BMP1: variants seen among roughly 807,000 people sequenced by gnomAD.
BMP1 encodes bone morphogenetic protein 1, also known as mammalian tolloid protein.
Under a neutral mutation model 116.8 loss-of-function variants are expected in BMP1, and 63 were observed. The observed-to-expected ratio is 0.54, with a 90% CI of 0.44 to 0.67. The LOEUF (loss-of-function observed/expected upper bound fraction) is 0.67. Ranked by LOEUF, BMP1 falls within the 30% of genes least tolerant of loss-of-function variation. The probability of loss-of-function intolerance (pLI) is 0.00; values close to 1 mark genes in which losing one functional copy is unlikely to be tolerated. For missense variants in BMP1, 1,183 were observed against 1,358.9 expected, an observed-to-expected ratio of 0.87 and a Z score of 2.04; for synonymous variants, 536 against 533.4, an observed-to-expected ratio of 1.00 and a Z score of -0.07.
Position 22,202,959 on chromosome 8 carries a change from G to A in BMP1, c.2233+1031G>A, listed in dbSNP as rs558874317. ...TGGGGAGGCTGAGGCTGCATGAGCC[G>A]AGATCACACCACTGTACTCCAGCCT... On this transcript the variant is annotated intron_variant, in intron 16 of 19. Coordinates refer to ENST00000306385, the MANE Select transcript of BMP1 (RefSeq NM_006129.5). Among the ~76,000 whole-genome samples, 8 of 151,140 alleles carry A rather than the reference G, an allele frequency of 5.3e-5. No homozygotes were observed. In the East Asian group the frequency reaches 9.8e-4, roughly 19 times the overall value.
chr8:22,177,251 C>A, intron 5 of BMP1, 112 bp downstream of exon 5: 2 of 1,157,096 alleles, frequency 1.7e-6, no homozygotes, highest in Non-Finnish European at 2.4e-6. Context: ...ATCGCCTGGG[C>A]CCGCAGCGCT....
At position 22,197,524 on chromosome 8, in the gene BMP1, C is replaced by T. The variant is rs1586464516; in HGVS notation, c.2107+104C>T. The T allele has an allele frequency of 3.0e-6, 4 of 1,345,412 alleles. No homozygotes were observed. In the East Asian group the frequency reaches 9.4e-5, roughly 32 times the overall value. The allele number at this position is 1,345,412 out of a possible 1,614,324, so 83.3% of individuals were successfully genotyped here. On this transcript the variant is annotated intron_variant, in intron 15 of 19. Transcript: ENST00000306385. The stretch of plus-strand genomic sequence containing the variant: ...TGTACTCCCCAGCCCTCCCTGGTGC[C>T]AGGCAGGCAGAGTCTGCCCCCTGCT...
chr8:22,211,758 G>A lies in BMP1; in HGVS notation c.*30G>A. 1 of 1,613,936 alleles carries A rather than the reference G, an allele frequency of 6.2e-7. No individual in the cohort carries two copies. Among genetic ancestry groups the A allele is most frequent in the Non-Finnish European group, 8.5e-7 (1 of 1,179,942 alleles). Reference sequence around the variant, plus strand: ...TGCCTGAGCAGGGGCGGGGACTGGAGCCTGCTGCCCTTGGTCGCCTAGACT... The same window carrying A: ...TGCCTGAGCAGGGGCGGGGACTGGAACCTGCTGCCCTTGGTCGCCTAGACT... On this transcript the variant is annotated 3_prime_UTR_variant, in exon 20 of 20. Coordinates refer to ENST00000306385, the MANE Select transcript of BMP1 (RefSeq NM_006129.5).
intron 8 of BMP1, among the ~76,000 whole-genome samples, chr8:22,183,226 G>T (rs1445447461): frequency 6.6e-6 from 1 of 152,200 alleles, no homozygotes; most frequent in African/African-American, 2.4e-5. Flanking sequence ...GACCAGCCTG[G>T]CTAACATAGC....
chr8:22,196,133 T>C (rs771238505), intron 13 of BMP1: 2 of 500,202 alleles, frequency 4.0e-6, no homozygotes, highest in East Asian at 5.5e-5. Context: ...TCGGGTTTTT[T>C]TTGTAAATGA....
intron 8 of BMP1, among the ~76,000 whole-genome samples, chr8:22,187,497 ATTTTTTTTTTTT>A (rs768807192): frequency 9.6e-6 from 1 of 104,418 alleles, no homozygotes; most frequent in Non-Finnish European, 1.8e-5. Flanking sequence ...CGCCCGGCTA[ATTTTTTTTTTTT>A]TTTTTTTTTT....
intron 18 of BMP1, among the ~76,000 whole-genome samples, chr8:22,207,799 G>A (rs995816615): frequency 1.3e-5 from 2 of 152,190 alleles, no homozygotes; most frequent in African/African-American, 2.4e-5. Flanking sequence ...GAGCGTACGC[G>A]GGCCACCGCA....
intron 16 of BMP1, among the ~76,000 whole-genome samples, chr8:22,205,459 A>G (rs1829335203): frequency 6.6e-6 from 1 of 152,184 alleles, no homozygotes; most frequent in African/African-American, 2.4e-5. Flanking sequence ...TAGAAAGATC[A>G]AGACCCTGGA....
intron 8 of BMP1, among the ~76,000 whole-genome samples, chr8:22,185,094 C>A (rs772808796): frequency 6.6e-6 from 1 of 152,134 alleles, no homozygotes; most frequent in Admixed American, 6.5e-5. Flanking sequence ...GCAGCTGGCG[C>A]GGAGAGGACT....
chr8:22,199,210 G>C (rs1306033474), intron 15 of BMP1: 2 of 1,367,548 alleles, frequency 1.5e-6, no homozygotes, highest in East Asian at 4.6e-5. Flanking sequence ...ACCCCCACTG[G>C]GGGCATCGAG....
In BMP1 at chr8:22,165,882, CGTGTGTGTGTGT is replaced by C. The variant is rs149003237; in HGVS notation, c.148+362_148+373del. ...TTTTCTGGCCAAACTCCTGTGCGTG[CGTGTGTGTGTGT>C]GTGTGTGTGTGTGTGTGTGTGTGTG... On this transcript the variant is annotated intron_variant, in intron 1 of 19. Transcript: ENST00000306385. Among the ~76,000 whole-genome samples the C allele has an allele frequency of 4.4e-3, 579 of 131,416 alleles. 2 individuals are homozygous for C. The highest frequency in any genetic ancestry group is 9.2e-3 in the South Asian group (36 of 3,908). 86.2% of individuals were successfully genotyped at this position (131,416 alleles called of 152,430 possible).
In BMP1 at chr8:22,212,197, T is replaced by A. The variant is rs1829474856; in HGVS notation, c.*469T>A. 1 of 174,190 alleles carries A rather than the reference T, an allele frequency of 5.7e-6. No homozygotes were observed. Among genetic ancestry groups the A allele is most frequent in the African/African-American group, 2.3e-5 (1 of 42,698 alleles). The allele number at this position is 174,190 out of a possible 1,614,324, so 10.8% of individuals were successfully genotyped here. A position where few individuals can be genotyped will look rare whatever the true frequency, so the allele number is the denominator to read the frequency against. On this transcript the variant is annotated 3_prime_UTR_variant, in exon 20 of 20. Coordinates refer to ENST00000306385, the MANE Select transcript of BMP1 (RefSeq NM_006129.5). ...CCTGGGGCACAAGTGTCTGTGCATG[T>A]CCCCCAGGAGCCACCGTGGGGAGCC...
At chr8:22,188,537 C>T (rs988808827) in intron 8 of BMP1, among the ~76,000 whole-genome samples, 3 of 152,170 alleles carry the variant, frequency 2.0e-5, no homozygotes, top group Non-Finnish European at 2.9e-5. Flanking sequence ...GTCACCAGCC[C>T]GGAAGCGGTG....
chr8:22,173,623 C>T lies in BMP1; in HGVS notation c.170C>T (p.Ala57Val), dbSNP rs761912780. 4 of 1,612,920 alleles carry T rather than the reference C, an allele frequency of 2.5e-6. No homozygotes were observed. Among genetic ancestry groups the T allele is most frequent in the Non-Finnish European group, 3.4e-6 (4 of 1,179,448 alleles). The change falls in exon 2 of 20, where the codon GCC becomes GTC. Residue 57 changes from alanine (A) to valine (V), a missense_variant. Physicochemically the swap from Ala to Val is moderately conservative, Grantham distance 64. Around this residue, in one of 4 missense-constraint regions of BMP1, gnomAD observed 185 missense variants for 158.9 expected, o/e 1.16. Transcript: ENST00000306385. ...CKAAAFLGDI[A>V]LDEEDLRAFQ... ...TTAGCTGCCTTTCTTGGGGACATTGCCCTGGACGAAGAGGACCTGAGGGCC... is the reference window on the plus strand; with the variant it reads ...TTAGCTGCCTTTCTTGGGGACATTGTCCTGGACGAAGAGGACCTGAGGGCC...
At position 22,209,626 on chromosome 8, in the gene BMP1, T is replaced by C. The variant is rs1563283278; in HGVS notation, c.2757T>C (p.Tyr919=). Residue 919 remains tyrosine, a synonymous_variant, in exon 19 of 20, where the codon TAT becomes TAC. Coordinates refer to ENST00000306385, the MANE Select transcript of BMP1 (RefSeq NM_006129.5). ...FEVEEETDCG[Y]DYMELFDGYD... ...TGGAGGAGGAGACCGACTGCGGCTA[T>C]GACTACATGGAGCTCTTCGACGGCT... is the stretch of plus-strand genomic sequence containing the variant. The C allele has an allele frequency of 1.2e-6, 2 of 1,614,136 alleles. 1 individual carries two copies. Among genetic ancestry groups the C allele is most frequent in the Non-Finnish European group, 1.7e-6 (2 of 1,180,012 alleles).
In BMP1 at chr8:22,179,933, G is replaced by C; in HGVS notation, c.961+104G>C. On this transcript the variant is annotated intron_variant, in intron 7 of 19. Transcript: ENST00000306385. The surrounding 1 kb of genome is among the most constrained non-coding windows in gnomAD (Gnocchi z 4.6). ...AAGAAGGCTTAGGCTGCAAGTCTTA[G>C]AGAATGGTGTGGCGGGGGAGGGGAC... 3.1e-6 allele frequency: 4 copies of C among 1,292,624 alleles called. No homozygotes were observed. The highest frequency in any genetic ancestry group is 2.1e-4 in the Middle Eastern group (1 of 4,738). 80.1% of individuals were successfully genotyped at this position (1,292,624 alleles called of 1,614,324 possible). A position where few individuals can be genotyped will look rare whatever the true frequency, so the allele number is the denominator to read the frequency against.
chr8:22,171,157 A>G (rs1164131087), intron 1 of BMP1: 3 of 152,234 alleles, frequency 2.0e-5, no homozygotes, highest in Non-Finnish European at 4.4e-5. Context: ...TGGCGATTCA[A>G]GTAAGAGTAG....
chr8:22,195,442 C>T lies in BMP1; in HGVS notation c.1640-20C>T. ...CCTTGAATGCCTGGAGTCTGTGACA[C>T]CCTTTCCTTCCCACCACAGAGGTGG... On this transcript the variant is annotated intron_variant, in intron 12 of 19. Transcript: ENST00000306385. 6.3e-7 allele frequency: 1 copy of T among 1,590,750 alleles called. No individual in the cohort carries two copies. The highest frequency in any genetic ancestry group is 1.4e-5 in the African/African-American group (1 of 73,542).
intron 8 of BMP1, among the ~76,000 whole-genome samples, chr8:22,185,833 T>TTTTTTTC: frequency 7.0e-6 from 1 of 143,372 alleles, no homozygotes; most frequent in African/African-American, 2.6e-5. Context: ...TCTTTCTTTT[T>TTTTTTTC]TTTTTTTTTT....
Sources: gnomAD v4.1 joint callset for allele counts (sites outside exome capture counted in the v4.1 genomes callset) on GRCh38, gnomAD v4.1.1 for gene constraint, gnomAD v4.1.1 regional missense constraint, Gnocchi (gnomAD v3.1) non-coding constraint, MANE v1.5 for transcripts, NCBI Gene and HGNC (gene_info 2026-07-23, HGNC 2026-07-21) for gene names.